Variants in ARHGAP35 observed in about 807,000 individuals in gnomAD.
The protein encoded by ARHGAP35 is Rho GTPase activating protein 35, also known as rho GTPase-activating protein 35.
A neutral mutation model predicts 111.1 loss-of-function variants in ARHGAP35; 15 were observed. The ratio of observed to expected loss-of-function variants is 0.13; its 90% CI spans 0.09 to 0.21. ARHGAP35 has a LOEUF of 0.21. ARHGAP35 is among the 10% of genes least tolerant of loss of function. The pLI is 1.00. For synonymous variants in ARHGAP35, 643 were observed against 710.3 expected (o/e 0.91, Z 1.51); for missense variants, 1,262 against 1,873.0 (o/e 0.67, Z 6.02).
In ARHGAP35 at chr19:46,914,503, G is replaced by A. The variant is rs568179264; in HGVS notation, c.-188-3985G>A. Among the ~76,000 whole-genome samples the A allele has an allele frequency of 9.9e-5, 15 of 152,174 alleles. No individual in the cohort carries two copies. The East Asian group carries it at 2.9e-3, about 29-fold the overall frequency. ...ATGATGGCTTGCACCTGTAGTCCCA[G>A]CTACTTGGGATGCTGAAGTGGGAGG... is the stretch of plus-strand genomic sequence containing the variant. On this transcript the variant is annotated intron_variant, in intron 1 of 6. Transcript: ENST00000672722.
intron 3 of ARHGAP35, among the ~76,000 whole-genome samples, chr19:46,962,767 C>G (rs2056492044): frequency 1.3e-5 from 2 of 152,190 alleles, no homozygotes; most frequent in Non-Finnish European, 2.9e-5. Context: ...GCATGCACCA[C>G]CACACCCAGC....
At chr19:46,968,924 TA>T (rs2056529706) in intron 3 of ARHGAP35, among the ~76,000 whole-genome samples, 1 of 152,036 alleles carries the variant, frequency 6.6e-6, no homozygotes, top group Admixed American at 6.6e-5. Flanking sequence ...CTGTCTCTAC[TA>T]AAAATACAAA....
chr19:46,913,928 G>A (rs1433273357), intron 1 of ARHGAP35, among the ~76,000 whole-genome samples: 1 of 152,126 alleles, frequency 6.6e-6, no homozygotes, highest in East Asian at 1.9e-4. Context: ...GTCTGGATAT[G>A]CCCGGTCTCC....
chr19:46,956,956 C>CTTTTTTTTTT (rs11449203), intron 3 of ARHGAP35, among the ~76,000 whole-genome samples: 1 of 107,618 alleles, frequency 9.3e-6, no homozygotes, highest in Non-Finnish European at 1.8e-5. Flanking sequence ...TTAAAGCAGA[C>CTTTTTTTTTT]TTTTTTTTTT....
At position 46,988,247 on chromosome 19, in the gene ARHGAP35, G is replaced by A. The variant is rs2056661789; in HGVS notation, c.3904+181G>A. Reference sequence around the variant, plus strand: ...AGCGGGGAGGAGGGGACCGGGTCCTGTCAGTGAACCGAAGCACCATCCCTG... The same window carrying A: ...AGCGGGGAGGAGGGGACCGGGTCCTATCAGTGAACCGAAGCACCATCCCTG... On this transcript the variant is annotated intron_variant, in intron 4 of 6. Coordinates refer to ENST00000672722, the MANE Select transcript of ARHGAP35 (RefSeq NM_004491.5). The surrounding 1 kb of genome is among the most constrained non-coding windows in gnomAD (Gnocchi z 5.4). 1 of 602,238 alleles carries A rather than the reference G, an allele frequency of 1.7e-6. No homozygotes were observed. The highest frequency in any genetic ancestry group is 2.9e-6 in the Non-Finnish European group (1 of 340,666). 37.3% of individuals were successfully genotyped at this position (602,238 alleles called of 1,614,324 possible).
rs1052023554 is a variant in ARHGAP35, at chr19:46,899,708, C to A, written c.-188-18780C>A. 5.4e-3 allele frequency among the ~76,000 whole-genome samples: 793 copies of A among 147,304 alleles called. 4 individuals are homozygous for A. The highest frequency in any genetic ancestry group is 0.018 in the South Asian group (83 of 4,572). Reference sequence around the variant, plus strand: ...GAGTGAGACCCTGTACAAAAAAAAACAAAAACAAAAACAAAAACAAAAAAA... The same window carrying A: ...GAGTGAGACCCTGTACAAAAAAAAAAAAAAACAAAAACAAAAACAAAAAAA... On this transcript the variant is annotated intron_variant, in intron 1 of 6. Transcript: ENST00000672722.
intron 1 of ARHGAP35, among the ~76,000 whole-genome samples, chr19:46,915,481 CT>C (rs2056157832): frequency 6.6e-6 from 1 of 152,080 alleles, no homozygotes; most frequent in Non-Finnish European, 1.5e-5. Context: ...GGTCTGTGAC[CT>C]TTTGAGGTTA....
intron 3 of ARHGAP35, among the ~76,000 whole-genome samples, chr19:46,968,272 G>A (rs1032680989): frequency 2.0e-5 from 3 of 152,238 alleles, no homozygotes; most frequent in Non-Finnish European, 4.4e-5. Flanking sequence ...CCAGTGTTTA[G>A]TGTAGGGGCA....
chr19:46,980,113 G>T (rs1305086065), intron 3 of ARHGAP35, among the ~76,000 whole-genome samples: 3 of 152,092 alleles, frequency 2.0e-5, no homozygotes, highest in Non-Finnish European at 4.4e-5. Flanking sequence ...GGCCGGGCGC[G>T]GTGTCTCATG....
chr19:46,967,902 G>A (rs2056524484), intron 3 of ARHGAP35, among the ~76,000 whole-genome samples: 1 of 152,194 alleles, frequency 6.6e-6, no homozygotes, highest in Admixed American at 6.5e-5. Flanking sequence ...CACGCCCGGA[G>A]TCCTTCTCTG....
At chr19:46,889,944 T>TTG (rs2056016142) in intron 1 of ARHGAP35, among the ~76,000 whole-genome samples, 1 of 152,196 alleles carries the variant, frequency 6.6e-6, no homozygotes, top group Non-Finnish European at 1.5e-5. Flanking sequence ...AACTTGAGGT[T>TTG]CTGTAGACCC....
intron 3 of ARHGAP35, among the ~76,000 whole-genome samples, chr19:46,983,401 C>T (rs187201715): frequency 1.3e-5 from 2 of 152,246 alleles, no homozygotes; most frequent in African/African-American, 4.8e-5. Context: ...GTGCCTCATA[C>T]AGAGTAAGCA....
rs1316504404 is a variant in ARHGAP35 at position 46,888,363 on chromosome 19, CA to C, written c.-189+27155del. On this transcript the variant is annotated intron_variant, in intron 1 of 6. Coordinates refer to ENST00000672722, the MANE Select transcript of ARHGAP35 (RefSeq NM_004491.5). ...ACACACACACACACACACACACACA[CA>C]CCCCACAACAAGAAGTAAGGCTCCT... is the stretch of plus-strand genomic sequence containing the variant. Among the ~76,000 whole-genome samples, 104 of 135,270 alleles carry C rather than the reference CA, an allele frequency of 7.7e-4. 2 individuals are homozygous for C. The highest frequency in any genetic ancestry group is 3.9e-3 in the Middle Eastern group (1 of 254). 88.7% of individuals were successfully genotyped at this position (135,270 alleles called of 152,430 possible).
In ARHGAP35 at chr19:46,920,736, C is replaced by T; in HGVS notation, c.2061C>T (p.Gly687=). The T allele has an allele frequency of 6.2e-7, 1 of 1,612,238 alleles. No homozygotes were observed. Among genetic ancestry groups the T allele is most frequent in the Non-Finnish European group, 8.5e-7 (1 of 1,179,048 alleles). The part of the protein sequence containing the change: ...SIEKSRESTL[G]RRDNHLVHLP... Reference sequence around the variant, plus strand: ...AGAAGAGTAGAGAGTCCACGCTGGGCCGGCGGGATAATCATTTAGTCCATC... The same window carrying T: ...AGAAGAGTAGAGAGTCCACGCTGGGTCGGCGGGATAATCATTTAGTCCATC... The change falls in exon 2 of 7, where the codon GGC becomes GGT. Residue 687 remains glycine (G), a synonymous_variant. Transcript: ENST00000672722. This position sits in a 1 kb window ranked among gnomAD's most constrained non-coding sequence, Gnocchi z 7.0.
intron 2 of ARHGAP35, among the ~76,000 whole-genome samples, chr19:46,927,926 T>C (rs1466407257): frequency 6.6e-6 from 1 of 152,154 alleles, no homozygotes; most frequent in Non-Finnish European, 1.5e-5. Context: ...GACCACTCAA[T>C]CAGTCCAGTC....
chr19:46,996,974 G>A lies in ARHGAP35; in HGVS notation c.4037-2330G>A, dbSNP rs563168168. Among the ~76,000 whole-genome samples the A allele has an allele frequency of 1.2e-4, 18 of 152,194 alleles. 1 individual carries two copies. Among genetic ancestry groups the A allele is most frequent in the African/African-American group, 1.9e-4 (8 of 41,534 alleles). On this transcript the variant is annotated intron_variant, in intron 5 of 6. Coordinates refer to ENST00000672722, the MANE Select transcript of ARHGAP35 (RefSeq NM_004491.5). ...GGAGTTCCAGACCAGCCTGGACAAC[G>A]TGATGAAACCCCGTCTCTAGTAAAA... is the stretch of plus-strand genomic sequence containing the variant.
Position 47,003,829 on chromosome 19 carries a change from G to C in ARHGAP35, c.*3141G>C, listed in dbSNP as rs1313862174. ...TGGGGGCATCCCTGTGCCTCACTCA[G>C]CTCCTGCTGCTCTTAGGGAAAGGAG... On this transcript the variant is annotated 3_prime_UTR_variant, in exon 7 of 7. Transcript: ENST00000672722. The C allele has an allele frequency of 6.6e-6, 1 of 152,172 alleles. No homozygotes were observed. Among genetic ancestry groups the C allele is most frequent in the East Asian group, 1.9e-4 (1 of 5,192 alleles). The allele number at this position is 152,172 out of a possible 1,614,324, so 9.4% of individuals were successfully genotyped here.
intron 5 of ARHGAP35, among the ~76,000 whole-genome samples, chr19:46,997,324 A>G (rs1047255279): frequency 6.6e-6 from 1 of 152,134 alleles, no homozygotes; most frequent in South Asian, 2.1e-4. Flanking sequence ...CACACTCTCA[A>G]GGCCACAGAT....
intron 3 of ARHGAP35, among the ~76,000 whole-genome samples, chr19:46,960,110 CAAAA>C (rs1034379133): frequency 1.4e-4 from 8 of 57,638 alleles, no homozygotes; most frequent in Admixed American, 1.9e-4. Context: ...ACCTGTCTCA[CAAAA>C]AAAAAAAAAA....
Sources: gnomAD v4.1 joint callset for allele counts (sites outside exome capture counted in the v4.1 genomes callset) on GRCh38, gnomAD v4.1.1 for gene constraint, Gnocchi (gnomAD v3.1) non-coding constraint, MANE v1.5 for transcripts, NCBI Gene and HGNC (gene_info 2026-07-23, HGNC 2026-07-21) for gene names.